MARCHF11: variants seen among roughly 807,000 people sequenced by gnomAD.
MARCHF11 encodes membrane associated ring-CH-type finger 11.
MARCHF11 carries 29 observed loss-of-function variants against 37.3 expected under a neutral mutation model. That is an observed-to-expected ratio of 0.78 (90% confidence interval 0.58 to 1.06). MARCHF11 has a LOEUF of 1.06. Among genes scored for constraint, MARCHF11 ranks in the 50% least tolerant of loss-of-function variants. MARCHF11 has a pLI of 0.00. For synonymous variants in MARCHF11, 233 were observed against 228.0 expected (o/e 1.02, Z -0.20); for missense variants, 482 against 533.4 (o/e 0.90, Z 0.95).
In MARCHF11 at chr5:16,067,615, G is replaced by A; in HGVS notation, c.1065C>T (p.Asn355=). 6.2e-7 allele frequency: 1 copy of A among 1,613,938 alleles called. No homozygotes were observed. Among genetic ancestry groups the A allele is most frequent in the Non-Finnish European group, 8.5e-7 (1 of 1,179,852 alleles). ...WLPLTALRNR[N]LVHPTQLTSP... ...AGGTTAACTGAGTTGGGTGGACCAA[G>A]TTTCTGTTCCGCAGAGCTGTCAATG... Residue 355 remains asparagine (N), a synonymous_variant, in exon 4 of 4, where the codon AAC becomes AAT. Transcript: ENST00000332432.
chr5:16,067,679 C>A lies in MARCHF11; in HGVS notation c.1001G>T (p.Ser334Ile). 2 of 1,613,992 alleles carry A rather than the reference C, an allele frequency of 1.2e-6. No individual in the cohort carries two copies. Among genetic ancestry groups the A allele is most frequent in the African/African-American group, 1.3e-5 (1 of 75,056 alleles). ...YDKATDIEES[S>I]RGESSTSRTL... ...CCTACTTGTGGAAGACTCTCCCCGG[C>A]TGCTTTCTTCGATGTCTGTGGCTTT... Residue 334 changes from serine (S) to isoleucine (I), a missense_variant, in exon 4 of 4, where the codon AGC (serine) becomes ATC (isoleucine). Transcript: ENST00000332432.
At chr5:16,173,181 G>A (rs142711552) in intron 2 of MARCHF11, among the ~76,000 whole-genome samples, 6 of 152,236 alleles carry the variant, frequency 3.9e-5, no homozygotes, top group African/African-American at 1.2e-4. Flanking sequence ...GCAGGCCTTC[G>A]GTGCTCCAAG....
intron 2 of MARCHF11, among the ~76,000 whole-genome samples, chr5:16,120,140 C>T (rs1354893052): frequency 6.6e-6 from 1 of 152,198 alleles, no homozygotes; most frequent in Non-Finnish European, 1.5e-5. Context: ...AAATGTAAAG[C>T]TTCACAGAAG....
chr5:16,160,255 T>G (rs1738048016), intron 2 of MARCHF11, among the ~76,000 whole-genome samples: 1 of 145,732 alleles, frequency 6.9e-6, no homozygotes, highest in South Asian at 2.1e-4. Context: ...TTTATAATTT[T>G]ATATTTTAAT....
At chr5:16,159,496 C>A (rs2126603346) in intron 2 of MARCHF11, among the ~76,000 whole-genome samples, 1 of 152,020 alleles carries the variant, frequency 6.6e-6, no homozygotes, top group African/African-American at 2.4e-5. Context: ...TGCATCAAAC[C>A]AAGAGCAATT....
chr5:16,072,914 G>A (rs1002632862), intron 3 of MARCHF11, among the ~76,000 whole-genome samples: 4 of 152,220 alleles, frequency 2.6e-5, no homozygotes, highest in African/African-American at 9.6e-5. Context: ...GTATAATAAT[G>A]TCAGTGACAC....
chr5:16,091,004 G>A lies in MARCHF11; in HGVS notation c.771C>T (p.Ala257=), dbSNP rs1298450236. 1 of 1,611,996 alleles carries A rather than the reference G, an allele frequency of 6.2e-7. No individual in the cohort carries two copies. The highest frequency in any genetic ancestry group is 1.7e-5 in the Admixed American group (1 of 59,732). The change falls in exon 3 of 4, where the codon GCC becomes GCT. Residue 257 remains alanine (A), a synonymous_variant. Transcript: ENST00000332432. ...AVILGSLFLI[A]SVTWLLWSAF... ...CTGACCAGAGGAGCCAAGTCACACT[G>A]GCTATTAAGAACAGGGATCCTAGGA...
chr5:16,166,219 A>T (rs1176240902), intron 2 of MARCHF11, among the ~76,000 whole-genome samples: 1 of 151,960 alleles, frequency 6.6e-6, no homozygotes, highest in Non-Finnish European at 1.5e-5. Context: ...TGGCACTACA[A>T]GGAGCTCCAG....
intron 2 of MARCHF11, among the ~76,000 whole-genome samples, chr5:16,099,110 T>C (rs754483346): frequency 6.6e-6 from 1 of 152,170 alleles, no homozygotes; most frequent in Non-Finnish European, 1.5e-5. Context: ...AAGAAAAATA[T>C]AGATGTGAAC....
chr5:16,164,035 CA>C (rs1418290407), intron 2 of MARCHF11, among the ~76,000 whole-genome samples: 6 of 152,038 alleles, frequency 3.9e-5, no homozygotes, highest in African/African-American at 1.4e-4. Context: ...CACCAGACAC[CA>C]AACCTGCTAG....
intron 2 of MARCHF11, among the ~76,000 whole-genome samples, chr5:16,138,828 T>C (rs890496543): frequency 1.3e-5 from 2 of 152,198 alleles, no homozygotes; most frequent in East Asian, 1.9e-4. Flanking sequence ...CTGATGGATT[T>C]TGGGCTTCCA....
intron 2 of MARCHF11, among the ~76,000 whole-genome samples, chr5:16,095,308 G>A (rs1476612740): frequency 2.6e-5 from 4 of 152,228 alleles, no homozygotes; most frequent in Admixed American, 6.5e-5. Context: ...AAGCTTCAGC[G>A]GGGAGGGCTA....
intron 2 of MARCHF11, among the ~76,000 whole-genome samples, chr5:16,165,512 G>A (rs1451482004): frequency 1.3e-5 from 2 of 151,842 alleles, no homozygotes; most frequent in Non-Finnish European, 2.9e-5. Flanking sequence ...TATCTCCTTA[G>A]TCTCTGGTTT....
intron 2 of MARCHF11, among the ~76,000 whole-genome samples, chr5:16,160,333 T>C (rs545634945): frequency 0.011 from 1,552 of 143,476 alleles, 32 homozygotes; most frequent in African/African-American, 0.037. Flanking sequence ...TTTAATAATT[T>C]AATATATTAA....
At chr5:16,153,062 C>T (rs908451266) in intron 2 of MARCHF11, among the ~76,000 whole-genome samples, 1 of 151,958 alleles carries the variant, frequency 6.6e-6, no homozygotes, top group African/African-American at 2.4e-5. Flanking sequence ...CTACCCTCTG[C>T]TTCACAATGT....
rs1240545824 is a variant in MARCHF11 at position 16,179,276 on chromosome 5, G to A, written c.300C>T (p.Gly100=). 8 of 1,300,870 alleles carry A rather than the reference G, an allele frequency of 6.1e-6. No homozygotes were observed. Among genetic ancestry groups the A allele is most frequent in the Admixed American group, 6.7e-5 (2 of 29,828 alleles). The allele number at this position is 1,300,870 out of a possible 1,614,324, so 80.6% of individuals were successfully genotyped here. The change falls in exon 1 of 4, where the codon GGC becomes GGT. Residue 100 remains glycine (G), a synonymous_variant. Transcript: ENST00000332432. ...QPAGQEVAAA[G]DSGEGPRRLP... is the part of the protein sequence containing the mutation. Reference sequence around the variant, plus strand: ...GGCGCCTCGGACCTTCCCCGGAGTCGCCGGCCGCCGCCACTTCCTGGCCGG... The same window carrying A: ...GGCGCCTCGGACCTTCCCCGGAGTCACCGGCCGCCGCCACTTCCTGGCCGG...
chr5:16,156,722 A>T (rs911881283), intron 2 of MARCHF11, among the ~76,000 whole-genome samples: 2 of 151,910 alleles, frequency 1.3e-5, no homozygotes, highest in Non-Finnish European at 2.9e-5. Flanking sequence ...CCTTGTACAA[A>T]CATCAGAGTG....
chr5:16,131,432 A>C (rs1464889251), intron 2 of MARCHF11, among the ~76,000 whole-genome samples: 4 of 152,252 alleles, frequency 2.6e-5, no homozygotes, highest in Non-Finnish European at 4.4e-5. Context: ...CAAATGTGTA[A>C]TTATACTAAA....
intron 3 of MARCHF11, among the ~76,000 whole-genome samples, chr5:16,074,872 G>A (rs1560967064): frequency 6.6e-6 from 1 of 152,144 alleles, no homozygotes; most frequent in Non-Finnish European, 1.5e-5. Context: ...GTTTCTCCAG[G>A]AGCACACACA....
Sources: gnomAD v4.1 joint callset for allele counts (sites outside exome capture counted in the v4.1 genomes callset) on GRCh38, gnomAD v4.1.1 for gene constraint, MANE v1.5 for transcripts, NCBI Gene and HGNC (gene_info 2026-07-23, HGNC 2026-07-21) for gene names.